STPG4: variants seen among roughly 807,000 people sequenced by gnomAD.
The protein encoded by STPG4 is sperm-tail PG-rich repeat containing 4.
In STPG4, 41 loss-of-function variants were observed where a neutral mutation model predicts 31.5. That is an observed-to-expected ratio of 1.30 (90% CI 1.01 to 1.69). The LOEUF is 1.69. STPG4 is among the 40% of genes most tolerant of loss of function. STPG4 has a pLI of 0.00. For missense variants in STPG4, 375 were observed against 293.4 expected (o/e 1.28, Z -2.03); for synonymous variants, 141 against 103.0 (o/e 1.37, Z -2.24).
At position 47,135,006 on chromosome 2, in the gene STPG4, G is replaced by A. The variant is rs115607112; in HGVS notation, c.400-4746C>T. Among the ~76,000 whole-genome samples the A allele has an allele frequency of 3.2e-3, 483 of 152,298 alleles. 1 individual carries two copies. Among genetic ancestry groups the A allele is most frequent in the Non-Finnish European group, 5.2e-3 (353 of 68,032 alleles). Reference sequence around the variant, plus strand: ...ACATCTGTATGTCTTCTTTGGAGAGGTGTATATTAAGGAGTTTGGCCAATT... The same window carrying A: ...ACATCTGTATGTCTTCTTTGGAGAGATGTATATTAAGGAGTTTGGCCAATT... On this transcript the variant is annotated intron_variant, in intron 3 of 6. Transcript: ENST00000445927.
intron 3 of STPG4, among the ~76,000 whole-genome samples, chr2:47,147,135 A>T (rs1686838979): frequency 6.6e-6 from 1 of 152,134 alleles, no homozygotes; most frequent in Non-Finnish European, 1.5e-5. Context: ...TCTTAAATAA[A>T]TAAATAAATA....
At chr2:47,143,630 C>T (rs563993007) in intron 3 of STPG4, among the ~76,000 whole-genome samples, 60 of 152,166 alleles carry the variant, frequency 3.9e-4, no homozygotes, top group Admixed American at 3.0e-3. Flanking sequence ...GGACTATAGG[C>T]GTGCGCCACC....
chr2:47,144,247 T>C (rs1686773177), intron 3 of STPG4, among the ~76,000 whole-genome samples: 1 of 152,242 alleles, frequency 6.6e-6, no homozygotes. Context: ...AACCTTTCTC[T>C]AGGACTTTGG....
At chr2:47,114,933 A>G (rs1686116101) in intron 5 of STPG4, among the ~76,000 whole-genome samples, 1 of 151,908 alleles carries the variant, frequency 6.6e-6, no homozygotes, top group African/African-American at 2.4e-5. Flanking sequence ...ATGCCCAGCT[A>G]ATTTTGGCAT....
At chr2:47,131,779 T>C (rs1414625422) in intron 3 of STPG4, among the ~76,000 whole-genome samples, 2 of 152,170 alleles carry the variant, frequency 1.3e-5, no homozygotes, top group African/African-American at 4.8e-5. Context: ...CTAACACTAT[T>C]TCCATCAGGA....
chr2:47,152,715 C>A (rs539843999), intron 2 of STPG4, among the ~76,000 whole-genome samples: 1 of 152,320 alleles, frequency 6.6e-6, no homozygotes, highest in African/African-American at 2.4e-5. Context: ...TCTAGATATT[C>A]TGTAAAGCAC....
chr2:47,151,172 G>T (rs1300657217), intron 3 of STPG4, 86 bp downstream of exon 3: 2 of 1,470,676 alleles, frequency 1.4e-6, no homozygotes, highest in African/African-American at 1.4e-5. Context: ...TCTCCTGGGG[G>T]AAGATATACT....
intron 5 of STPG4, among the ~76,000 whole-genome samples, chr2:47,101,535 T>C (rs370957270): frequency 6.6e-6 from 1 of 151,810 alleles, no homozygotes; most frequent in South Asian, 2.1e-4. Flanking sequence ...CTTCTAAAAA[T>C]TGCTACCTGT....
intron 5 of STPG4, among the ~76,000 whole-genome samples, chr2:47,107,380 GGCCGGCCCT>G (rs930067552): frequency 5.9e-5 from 9 of 152,168 alleles, no homozygotes; most frequent in African/African-American, 2.2e-4. Flanking sequence ...CGGAGCAGCT[GGCCGGCCCT>G]GCCGGCCCCG....
At chr2:47,088,183 G>C (rs1323637222) in intron 6 of STPG4, among the ~76,000 whole-genome samples, 4 of 152,036 alleles carry the variant, frequency 2.6e-5, no homozygotes, top group African/African-American at 9.7e-5. Context: ...GGGCTTAAGC[G>C]ATTCTCATGC....
rs111690229 is a variant in STPG4, at chr2:47,121,954, C to G, written c.519+7987G>C. On this transcript the variant is annotated intron_variant, in intron 5 of 6. Transcript: ENST00000445927. ...CCCATCCCAAAATCCTTAGCCACAT[C>G]TGCAAAATCTCTGCCATGTAAGGTA... 2.4e-4 allele frequency among the ~76,000 whole-genome samples: 37 copies of G among 151,580 alleles called. 1 individual carries two copies. Among genetic ancestry groups the G allele is most frequent in the African/African-American group, 9.0e-4 (37 of 41,284 alleles).
chr2:47,107,002 G>C (rs1428241969), intron 5 of STPG4, among the ~76,000 whole-genome samples: 1 of 151,952 alleles, frequency 6.6e-6, no homozygotes, highest in Admixed American at 6.6e-5. Context: ...TACAACTGCA[G>C]GGCCCCTTCA....
At chr2:47,090,879 G>C (rs1279423171) in intron 5 of STPG4, among the ~76,000 whole-genome samples, 1 of 145,804 alleles carries the variant, frequency 6.9e-6, no homozygotes, top group Non-Finnish European at 1.5e-5. Flanking sequence ...AACATAAATA[G>C]GTGAACACAA....
At chr2:47,090,506 G>T (rs1685549807) in intron 5 of STPG4, 132 bp from the exon 6 acceptor site, 2 of 645,452 alleles carry the variant, frequency 3.1e-6, no homozygotes, top group African/African-American at 1.8e-5. Flanking sequence ...GGTCTCGAGA[G>T]ATCTCTTTAA....
intron 3 of STPG4, among the ~76,000 whole-genome samples, chr2:47,136,439 C>T (rs537506478): frequency 2.2e-4 from 33 of 152,280 alleles, no homozygotes; most frequent in African/African-American, 7.0e-4. Flanking sequence ...TGAGCCACCA[C>T]GCCCAGCCAA....
At chr2:47,147,665 A>T (rs11885015) in intron 3 of STPG4, among the ~76,000 whole-genome samples, 66,162 of 151,760 alleles carry the variant, frequency 0.44, 15,409 homozygotes, top group East Asian at 0.75. Flanking sequence ...GAGTAGTGAA[A>T]AGAGTGACAG....
chr2:47,098,521 T>C (rs1274487563), intron 5 of STPG4, among the ~76,000 whole-genome samples: 1 of 152,118 alleles, frequency 6.6e-6, no homozygotes, highest in African/African-American at 2.4e-5. Flanking sequence ...TTTAAAATCG[T>C]AAAGCTAAAG....
At chr2:47,152,094 G>T (rs1301456498) in intron 2 of STPG4, among the ~76,000 whole-genome samples, 2 of 152,132 alleles carry the variant, frequency 1.3e-5, no homozygotes. Flanking sequence ...CAACTTCGGT[G>T]ATTCAACTTT....
chr2:47,120,229 G>T (rs929281566), intron 5 of STPG4, among the ~76,000 whole-genome samples: 3 of 152,190 alleles, frequency 2.0e-5, no homozygotes, highest in Non-Finnish European at 4.4e-5. Context: ...TACTAGGGAG[G>T]CTGAGGCAGG....
Sources: allele counts gnomAD v4.1 joint callset (sites outside exome capture counted in the v4.1 genomes callset), GRCh38; gene constraint gnomAD v4.1.1; transcripts MANE v1.5; gene names NCBI Gene and HGNC (gene_info 2026-07-23, HGNC 2026-07-21).